The following ZNF609 variants were observed in gnomAD, a reference collection of about 807,000 sequenced individuals.
The protein encoded by ZNF609 is zinc finger protein 609.
In ZNF609, 11 loss-of-function variants were observed where a neutral mutation model predicts 109.5. That is an observed-to-expected ratio of 0.10 (90% confidence interval 0.06 to 0.17). The LOEUF (loss-of-function observed/expected upper bound fraction) is 0.17, where lower values mean the gene tolerates loss of function less well. Ranked by LOEUF, ZNF609 falls within the 10% of genes least tolerant of loss-of-function variation. The pLI is 1.00. For missense variants in ZNF609, 1,559 were observed against 1,772.4 expected (o/e 0.88, Z 2.16); for synonymous variants, 646 against 662.0 (o/e 0.98, Z 0.37).
At chr15:64,597,149 C>T (rs967686839) in intron 2 of ZNF609, among the ~76,000 whole-genome samples, 1 of 152,122 alleles carries the variant, frequency 6.6e-6, no homozygotes, top group Non-Finnish European at 1.5e-5. Context: ...CACCAGAAAC[C>T]TCTTTCAGGA....
intron 2 of ZNF609, among the ~76,000 whole-genome samples, chr15:64,556,827 C>T (rs1438370542): frequency 6.6e-6 from 1 of 151,988 alleles, no homozygotes; most frequent in East Asian, 1.9e-4. Flanking sequence ...TTAGTGTATA[C>T]TTAGTTATCA....
At chr15:64,610,158 G>A (rs1895694086) in intron 2 of ZNF609, among the ~76,000 whole-genome samples, 1 of 152,128 alleles carries the variant, frequency 6.6e-6, no homozygotes, top group Admixed American at 6.6e-5. Flanking sequence ...GCAACATAGG[G>A]AGACCCCCAT....
intron 3 of ZNF609, among the ~76,000 whole-genome samples, chr15:64,659,937 C>T (rs1273460332): frequency 2.6e-5 from 4 of 151,012 alleles, no homozygotes; most frequent in East Asian, 1.9e-4. Flanking sequence ...TGGGCTCAAG[C>T]GATTCTCCTG....
intron 2 of ZNF609, among the ~76,000 whole-genome samples, chr15:64,568,974 T>TA (rs1567016942): frequency 6.6e-6 from 1 of 152,240 alleles, no homozygotes; most frequent in Non-Finnish European, 1.5e-5. Context: ...CCACTCTTAC[T>TA]ACCTCTGTAC....
At chr15:64,556,792 T>C (rs1894595432) in intron 2 of ZNF609, among the ~76,000 whole-genome samples, 1 of 152,242 alleles carries the variant, frequency 6.6e-6, no homozygotes, top group Non-Finnish European at 1.5e-5. Context: ...CCTAGGTTTA[T>C]TGAGTTTTTT....
intron 1 of ZNF609, among the ~76,000 whole-genome samples, chr15:64,486,628 T>A (rs1189924521): frequency 6.6e-6 from 1 of 152,184 alleles, no homozygotes; most frequent in African/African-American, 2.4e-5. Context: ...GGCAGCTTTT[T>A]TTTTCAAGAC....
At chr15:64,648,266 G>A (rs1163936749) in intron 3 of ZNF609, among the ~76,000 whole-genome samples, 2 of 152,136 alleles carry the variant, frequency 1.3e-5, no homozygotes, top group Non-Finnish European at 2.9e-5. Flanking sequence ...CAGGAGGATC[G>A]CTTGAGCCCA....
chr15:64,672,039 G>T (rs2141012767), intron 4 of ZNF609, among the ~76,000 whole-genome samples: 1 of 128,436 alleles, frequency 7.8e-6, no homozygotes, highest in Admixed American at 8.1e-5. Flanking sequence ...TTGAGATGGA[G>T]TCTCGCTCTG....
In ZNF609 at chr15:64,527,463, T is replaced by C. The variant is rs187288959; in HGVS notation, c.747+27297T>C. ...GGCATGAGTGCTACCTATGTGTCAG[T>C]CTCTTACACAATTATTATTTCAAAG... On this transcript the variant is annotated intron_variant, in intron 2 of 9. Transcript: ENST00000326648. Among the ~76,000 whole-genome samples, 104 of 152,004 alleles carry C rather than the reference T, an allele frequency of 6.8e-4. 1 individual carries two copies. Among genetic ancestry groups the C allele is most frequent in the Non-Finnish European group, 3.2e-4 (22 of 67,984 alleles).
chr15:64,500,293 A>G, intron 2 of ZNF609, 127 bp downstream of exon 2: 1 of 1,258,848 alleles, frequency 7.9e-7, no homozygotes, highest in Non-Finnish European at 1.1e-6. Context: ...TTACAAGGTC[A>G]GAGCAGCTGG....
intron 2 of ZNF609, among the ~76,000 whole-genome samples, chr15:64,513,053 A>T (rs1223154872): frequency 6.6e-6 from 1 of 152,112 alleles, no homozygotes; most frequent in East Asian, 1.9e-4. Context: ...ATAAAAATTT[A>T]AAATTTTAAG....
chr15:64,539,541 T>G (rs1162770965), intron 2 of ZNF609, among the ~76,000 whole-genome samples: 6 of 149,942 alleles, frequency 4.0e-5, no homozygotes, highest in Admixed American at 6.7e-5. Context: ...TCTCACTCTG[T>G]CACCCAGGCT....
intron 2 of ZNF609, among the ~76,000 whole-genome samples, chr15:64,586,791 A>G (rs1369085482): frequency 6.6e-6 from 1 of 152,188 alleles, no homozygotes; most frequent in Admixed American, 6.5e-5. Context: ...GACAGCAAAA[A>G]TCTTGAGTTC....
At chr15:64,556,947 T>A (rs1433870447) in intron 2 of ZNF609, among the ~76,000 whole-genome samples, 1 of 152,194 alleles carries the variant, frequency 6.6e-6, no homozygotes, top group Non-Finnish European at 1.5e-5. Context: ...CATTAAAGAT[T>A]AAAAACCGTA....
chr15:64,594,622 G>GC (rs1312699777), intron 2 of ZNF609, among the ~76,000 whole-genome samples: 12 of 152,042 alleles, frequency 7.9e-5, no homozygotes, highest in Non-Finnish European at 1.6e-4. Context: ...ACAGGCATGA[G>GC]CCACTGCACC....
intron 1 of ZNF609, among the ~76,000 whole-genome samples, chr15:64,498,174 C>T (rs960119718): frequency 2.0e-5 from 3 of 151,944 alleles, no homozygotes; most frequent in Admixed American, 6.6e-5. Context: ...CTCAGCCTCC[C>T]GAGTAGCTGG....
rs1048391572 is a variant in ZNF609, at chr15:64,588,439, A to AG, written c.748-34388_748-34387insG. Among the ~76,000 whole-genome samples, 6 of 136,674 alleles carry AG rather than the reference A, an allele frequency of 4.4e-5. 2 individuals carry two copies. The highest frequency in any genetic ancestry group is 1.4e-4 in the Admixed American group (2 of 13,956). 89.7% of individuals were successfully genotyped at this position (136,674 alleles called of 152,430 possible). The stretch of plus-strand genomic sequence containing the variant: ...CGACACTCTGTCTAAAAAAAAAAAA[A>AG]AAAAAGAAGAGGAAGACTGTACAGA... On this transcript the variant is annotated intron_variant, in intron 2 of 9. Transcript: ENST00000326648.
chr15:64,565,232 G>GTATTATGATTATTAT (rs1894757434), intron 2 of ZNF609, among the ~76,000 whole-genome samples: 2 of 138,736 alleles, frequency 1.4e-5, no homozygotes, highest in South Asian at 4.6e-4. Flanking sequence ...GCTAATTTTT[G>GTATTATGATTATTAT]TATTATTATT....
chr15:64,471,097 C>G (rs1390480864), intron 1 of ZNF609, among the ~76,000 whole-genome samples: 1 of 152,114 alleles, frequency 6.6e-6, no homozygotes, highest in African/African-American at 2.4e-5. Flanking sequence ...CACGGTGGCT[C>G]ACACCTGTAA....
Sources: allele counts gnomAD v4.1 joint callset (sites outside exome capture counted in the v4.1 genomes callset), GRCh38; gene constraint gnomAD v4.1.1; transcripts MANE v1.5; gene names NCBI Gene and HGNC (gene_info 2026-07-23, HGNC 2026-07-21).